Variants in NR3C1 observed in about 807,000 individuals in gnomAD.
NR3C1 encodes glucocorticoid receptor.
A neutral mutation model predicts 74.0 loss-of-function variants in NR3C1; 14 were observed. The observed-to-expected ratio is 0.19, with a 90% confidence interval of 0.12 to 0.30. NR3C1 has a LOEUF of 0.30. NR3C1 is among the 10% of genes least tolerant of loss of function. The probability of loss-of-function intolerance (pLI) is 1.00; values close to 1 mark genes in which losing one functional copy is unlikely to be tolerated. For synonymous variants in NR3C1, 308 were observed against 332.5 expected, an observed-to-expected ratio of 0.93 and a Z score of 0.80; for missense variants, 695 against 909.8, an observed-to-expected ratio of 0.76 and a Z score of 3.04.
At chr5:143,293,832 A>T (rs17209258) in intron 7 of NR3C1, 1 of 929,386 alleles carries the variant, frequency 1.1e-6, no homozygotes, top group Non-Finnish European at 1.3e-6. Context: ...ATATAGCTCA[A>T]TTAGTCTGGG....
chr5:143,346,269 C>G (rs767647037), intron 2 of NR3C1, among the ~76,000 whole-genome samples: 1 of 152,148 alleles, frequency 6.6e-6, no homozygotes, highest in South Asian at 2.1e-4. Context: ...TCTCCTCCTT[C>G]GTAACAGGCT....
chr5:143,434,003 C>T lies in NR3C1; in HGVS notation c.-14+529G>A, dbSNP rs376590451. Among the ~76,000 whole-genome samples the T allele has an allele frequency of 7.2e-5, 11 of 152,210 alleles. No individual in the cohort carries two copies. In the East Asian group the frequency reaches 7.7e-4, roughly 11 times the overall value. ...CTCAAACTTGCCACACACCTTCCTA[C>T]CTCAGGGCCTTTCTACTGGCTATTT... On this transcript the variant is annotated intron_variant, in intron 1 of 8. Transcript: ENST00000343796.
chr5:143,432,878 C>A (rs745610911), intron 1 of NR3C1, among the ~76,000 whole-genome samples: 1 of 152,170 alleles, frequency 6.6e-6, no homozygotes, highest in Admixed American at 6.5e-5. Flanking sequence ...CTGAGTAACC[C>A]ACCGACTATT....
intron 2 of NR3C1, among the ~76,000 whole-genome samples, chr5:143,328,721 C>CA (rs1382995675): frequency 6.6e-6 from 1 of 152,206 alleles, no homozygotes; most frequent in South Asian, 2.1e-4. Flanking sequence ...TAAATCATCT[C>CA]AAAGTTCATC....
intron 2 of NR3C1, among the ~76,000 whole-genome samples, chr5:143,398,547 C>T (rs1839672189): frequency 6.6e-6 from 1 of 151,802 alleles, no homozygotes; most frequent in African/African-American, 2.4e-5. Context: ...TTAATGGGAA[C>T]GATGAATATC....
chr5:143,426,230 G>C (rs1424203654), intron 1 of NR3C1, among the ~76,000 whole-genome samples: 1 of 152,172 alleles, frequency 6.6e-6, no homozygotes, highest in Non-Finnish European at 1.5e-5. Flanking sequence ...AGGGAAAAGG[G>C]AATTGGGAGT....
At chr5:143,327,311 AC>A (rs1415385810) in intron 2 of NR3C1, among the ~76,000 whole-genome samples, 7 of 150,780 alleles carry the variant, frequency 4.6e-5, no homozygotes, top group Non-Finnish European at 1.0e-4. Flanking sequence ...CATGGAAAAA[AC>A]CCCCCCATGA....
At chr5:143,354,602 C>T (rs922294535) in intron 2 of NR3C1, among the ~76,000 whole-genome samples, 1 of 151,892 alleles carries the variant, frequency 6.6e-6, no homozygotes, top group Non-Finnish European at 1.5e-5. Context: ...AAGTACGGTG[C>T]CTTATACAGG....
intron 2 of NR3C1, among the ~76,000 whole-genome samples, chr5:143,397,882 G>C (rs1839518515): frequency 6.6e-6 from 1 of 151,770 alleles, no homozygotes; most frequent in Admixed American, 6.6e-5. Context: ...AGATTTTATA[G>C]GGTTTAAAAG....
intron 2 of NR3C1, among the ~76,000 whole-genome samples, chr5:143,399,036 T>C (rs896041065): frequency 1.3e-5 from 2 of 152,212 alleles, no homozygotes; most frequent in African/African-American, 4.8e-5. Flanking sequence ...TTGTCTACTT[T>C]ATGGCAAGAA....
intron 2 of NR3C1, among the ~76,000 whole-genome samples, chr5:143,317,978 G>C (rs1227848807): frequency 1.3e-5 from 2 of 152,150 alleles, no homozygotes; most frequent in Non-Finnish European, 2.9e-5. Context: ...TCAAATCCTA[G>C]TTCCAGTGCT....
At chr5:143,377,905 G>C (rs1197370732) in intron 2 of NR3C1, among the ~76,000 whole-genome samples, 1 of 152,188 alleles carries the variant, frequency 6.6e-6, no homozygotes, top group African/African-American at 2.4e-5. Context: ...AAATATGTCT[G>C]AGGGAGCTGA....
intron 4 of NR3C1, among the ~76,000 whole-genome samples, chr5:143,307,127 A>T (rs941894833): frequency 6.6e-6 from 1 of 151,994 alleles, no homozygotes; most frequent in African/African-American, 2.4e-5. Flanking sequence ...CGATCTCCTG[A>T]CCTCGTGATC....
chr5:143,409,884 A>G (rs1399945944), intron 1 of NR3C1, among the ~76,000 whole-genome samples: 1 of 152,196 alleles, frequency 6.6e-6, no homozygotes, highest in Non-Finnish European at 1.5e-5. Context: ...CAATGATTTC[A>G]TCATAAGCAA....
intron 2 of NR3C1, among the ~76,000 whole-genome samples, chr5:143,351,617 GA>G (rs551788637): frequency 1.3e-5 from 2 of 151,430 alleles, no homozygotes; most frequent in African/African-American, 4.8e-5. Context: ...GGCTTACAGA[GA>G]AAAAAAATGG....
chr5:143,434,668 T>G, exon 1 of NR3C1: 1 of 985,344 alleles, frequency 1.0e-6, no homozygotes, highest in Middle Eastern at 5.2e-4. Context: ...TCCTCCCCAT[T>G]CTCGCACAGA....
chr5:143,412,161 T>C lies in NR3C1; in HGVS notation c.-13-11309A>G, dbSNP rs143575392. On this transcript the variant is annotated intron_variant, in intron 1 of 8. Coordinates refer to the NR3C1 transcript ENST00000343796. ...AGTCAGGGAGGGTTGTAGTAGGAAG[T>C]AGGAGATGTTGGCAGTTCTAGGATT... 3.6e-3 allele frequency among the ~76,000 whole-genome samples: 549 copies of C among 150,764 alleles called. 5 individuals are homozygous for C. The highest frequency in any genetic ancestry group is 0.013 in the African/African-American group (517 of 40,980).
chr5:143,419,236 T>C (rs902993732), intron 1 of NR3C1, among the ~76,000 whole-genome samples: 7 of 152,174 alleles, frequency 4.6e-5, no homozygotes, highest in African/African-American at 1.7e-4. Flanking sequence ...TTACTACCAA[T>C]TTATTTTCAC....
intron 2 of NR3C1, among the ~76,000 whole-genome samples, chr5:143,316,870 C>T (rs1466597716): frequency 6.6e-6 from 1 of 152,044 alleles, no homozygotes; most frequent in Non-Finnish European, 1.5e-5. Flanking sequence ...GGACCGTATT[C>T]CCAAATTCTT....
Sources: gnomAD v4.1 joint callset for allele counts (sites outside exome capture counted in the v4.1 genomes callset) on GRCh38, gnomAD v4.1.1 for gene constraint, MANE v1.5 for transcripts, NCBI Gene and HGNC (gene_info 2026-07-23, HGNC 2026-07-21) for gene names.